Variants in DLG2 observed in about 807,000 individuals in gnomAD.
The protein encoded by DLG2 is discs large MAGUK scaffold protein 2.
Under a neutral mutation model 132.5 loss-of-function variants are expected in DLG2, and 45 were observed. The observed-to-expected ratio is 0.34, with a 90% CI of 0.27 to 0.44. The LOEUF (loss-of-function observed/expected upper bound fraction) is 0.44, where lower values mean the gene tolerates loss of function less well. Ranked by LOEUF, DLG2 falls within the 20% of genes least tolerant of loss-of-function variation. The pLI is 1.00. For missense variants in DLG2, 1,045 were observed against 1,196.9 expected (o/e 0.87, Z 1.87); for synonymous variants, 424 against 419.6 (o/e 1.01, Z -0.13).
chr11:84,636,545 G>C (rs539937843), intron 6 of DLG2, among the ~76,000 whole-genome samples: 1 of 152,020 alleles, frequency 6.6e-6, no homozygotes, highest in South Asian at 2.1e-4. Context: ...GTCATTTTGG[G>C]TACAAAACAG....
chr11:84,755,755 G>A (rs949514415), intron 6 of DLG2, among the ~76,000 whole-genome samples: 16 of 152,142 alleles, frequency 1.1e-4, no homozygotes, highest in Non-Finnish European at 2.1e-4. Context: ...ATCTAAGGTA[G>A]GTCAACAGAT....
intron 3 of DLG2, among the ~76,000 whole-genome samples, chr11:85,486,649 G>T (rs2093436014): frequency 6.6e-6 from 1 of 151,864 alleles, no homozygotes; most frequent in South Asian, 2.1e-4. Flanking sequence ...GCAGGCCAGG[G>T]GACTGGAATG....
At chr11:84,928,710 A>T (rs937957972) in intron 6 of DLG2, among the ~76,000 whole-genome samples, 6 of 151,628 alleles carry the variant, frequency 4.0e-5, no homozygotes, top group Non-Finnish European at 7.4e-5. Flanking sequence ...CTATTATTGG[A>T]ATTTCTTGCA....
chr11:84,853,594 G>A (rs1188921389), intron 6 of DLG2, among the ~76,000 whole-genome samples: 2 of 151,964 alleles, frequency 1.3e-5, no homozygotes, highest in African/African-American at 2.4e-5. Context: ...CCTGCATCGA[G>A]CACTGTGCTA....
chr11:84,849,092 G>A (rs2154020440), intron 6 of DLG2, among the ~76,000 whole-genome samples: 1 of 152,272 alleles, frequency 6.6e-6, no homozygotes, highest in East Asian at 1.9e-4. Flanking sequence ...AGAAACAAGT[G>A]GAAAGATGAG....
At chr11:83,850,354 C>A (rs554712907) in intron 16 of DLG2, among the ~76,000 whole-genome samples, 2 of 152,164 alleles carry the variant, frequency 1.3e-5, no homozygotes, top group East Asian at 3.9e-4. Context: ...GGGGTTTCAC[C>A]GTGTTAGCCA....
chr11:84,700,580 A>G (rs2059118992), intron 6 of DLG2, among the ~76,000 whole-genome samples: 1 of 151,560 alleles, frequency 6.6e-6, no homozygotes, highest in African/African-American at 2.4e-5. Context: ...GTAACATTAC[A>G]TTTAAAAAGT....
chr11:83,586,693 A>G (rs1388126603), intron 19 of DLG2, among the ~76,000 whole-genome samples: 1 of 152,166 alleles, frequency 6.6e-6, no homozygotes, highest in Non-Finnish European at 1.5e-5. Context: ...GGTAGATACT[A>G]TTTTATTAAC....
At chr11:84,538,019 A>C (rs1480168618) in intron 6 of DLG2, among the ~76,000 whole-genome samples, 1 of 152,224 alleles carries the variant, frequency 6.6e-6, no homozygotes, top group Non-Finnish European at 1.5e-5. Flanking sequence ...CATTCATTTC[A>C]GTATATGCTA....
At chr11:84,688,990 C>T (rs1272421320) in intron 6 of DLG2, among the ~76,000 whole-genome samples, 3 of 152,172 alleles carry the variant, frequency 2.0e-5, no homozygotes, top group African/African-American at 7.2e-5. Flanking sequence ...GTGGGAGAGG[C>T]CTTCCTTCAC....
At chr11:85,498,406 A>T (rs1244117917) in intron 3 of DLG2, among the ~76,000 whole-genome samples, 1 of 152,214 alleles carries the variant, frequency 6.6e-6, no homozygotes, top group Non-Finnish European at 1.5e-5. Context: ...TGCACCCAAT[A>T]CAGGAGCACC....
chr11:85,190,069 C>T (rs1199117829), intron 4 of DLG2, among the ~76,000 whole-genome samples: 1 of 152,148 alleles, frequency 6.6e-6, no homozygotes, highest in African/African-American at 2.4e-5. Flanking sequence ...TTAGACCCTT[C>T]AGAAATGAAA....
chr11:84,638,966 G>T (rs2099646408), intron 6 of DLG2, among the ~76,000 whole-genome samples: 1 of 152,140 alleles, frequency 6.6e-6, no homozygotes, highest in Non-Finnish European at 1.5e-5. Context: ...TGGCACTTCT[G>T]GGATACCCAA....
intron 18 of DLG2, among the ~76,000 whole-genome samples, chr11:83,665,168 G>A (rs1431392954): frequency 1.3e-5 from 2 of 152,144 alleles, no homozygotes; most frequent in Non-Finnish European, 2.9e-5. Flanking sequence ...AAGAGAGAAG[G>A]CTTAAGAAGC....
chr11:84,801,870 A>C (rs2075419907), intron 6 of DLG2, among the ~76,000 whole-genome samples: 1 of 152,188 alleles, frequency 6.6e-6, no homozygotes, highest in South Asian at 2.1e-4. Flanking sequence ...TTGGGGACAA[A>C]TTTGGTATTG....
In DLG2 at chr11:84,007,496, T is replaced by C. The variant is rs1025550838; in HGVS notation, c.920-26854A>G. On this transcript the variant is annotated intron_variant, in intron 11 of 27. Transcript: ENST00000376104. ...TGCATATCCAATTGTACAAGGCTTA[T>C]AGCATGTACCTTTTGTCTTTATTTA... Among the ~76,000 whole-genome samples the C allele has an allele frequency of 7.2e-5, 11 of 151,906 alleles. No homozygotes were observed. The East Asian group carries it at 1.9e-3, about 27-fold the overall frequency.
intron 10 of DLG2, among the ~76,000 whole-genome samples, chr11:84,097,992 T>C (rs1004553199): frequency 6.6e-6 from 1 of 150,446 alleles, no homozygotes; most frequent in African/African-American, 2.4e-5. Flanking sequence ...CACTGAGAAG[T>C]ACCTGGCTGC....
At chr11:83,795,902 T>C (rs909992396) in intron 17 of DLG2, among the ~76,000 whole-genome samples, 10 of 152,238 alleles carry the variant, frequency 6.6e-5, no homozygotes, top group Non-Finnish European at 1.3e-4. Flanking sequence ...CTTTTAAAAT[T>C]TCTCTGATTC....
chr11:83,925,900 C>CT (rs2078888263), intron 15 of DLG2, among the ~76,000 whole-genome samples: 1 of 151,972 alleles, frequency 6.6e-6, no homozygotes, highest in South Asian at 2.1e-4. Flanking sequence ...TCAAAATTAC[C>CT]TTTTTTCAAA....
Sources: gnomAD v4.1 joint callset for allele counts (sites outside exome capture counted in the v4.1 genomes callset) on GRCh38, gnomAD v4.1.1 for gene constraint, MANE v1.5 for transcripts, NCBI Gene and HGNC (gene_info 2026-07-23, HGNC 2026-07-21) for gene names.